Variants in NT5M observed in about 807,000 individuals in gnomAD.
The protein encoded by NT5M is 5',3'-nucleotidase, mitochondrial, also known as 5'(3')-deoxyribonucleotidase, mitochondrial.
A neutral mutation model predicts 22.2 loss-of-function variants in NT5M; 22 were observed. The ratio of observed to expected loss-of-function variants is 0.99; its 90% CI spans 0.71 to 1.41. The LOEUF (loss-of-function observed/expected upper bound fraction) is 1.41, where lower values mean the gene tolerates loss of function less well. NT5M is among the 40% of genes most tolerant of loss of function. The probability of loss-of-function intolerance (pLI) is 0.00; values close to 1 mark genes in which losing one functional copy is unlikely to be tolerated. For missense variants in NT5M, 322 were observed against 314.8 expected, an observed-to-expected ratio of 1.02 and a Z score of -0.17; for synonymous variants, 167 against 133.0, an observed-to-expected ratio of 1.26 and a Z score of -1.76.
chr17:17,345,140 G>A, intron 4 of NT5M: 2 of 1,007,848 alleles, frequency 2.0e-6, no homozygotes, highest in East Asian at 5.7e-5. Flanking sequence ...TTGAGGGGTG[G>A]CCTTGGGGAA....
intron 3 of NT5M, among the ~76,000 whole-genome samples, chr17:17,341,050 A>G (rs1417779233): frequency 6.6e-6 from 1 of 151,548 alleles, no homozygotes; most frequent in Admixed American, 6.6e-5. Flanking sequence ...AAATTTTTCA[A>G]TTTCCTTCAT....
At chr17:17,319,477 T>C (rs1005662718) in intron 2 of NT5M, among the ~76,000 whole-genome samples, 2 of 152,204 alleles carry the variant, frequency 1.3e-5, no homozygotes, top group Non-Finnish European at 2.9e-5. Flanking sequence ...TTTTAAGAAA[T>C]GTTTACTCAA....
chr17:17,344,908 G>C lies in NT5M; in HGVS notation c.544G>C (p.Gly182Arg). 1 of 1,614,148 alleles carries C rather than the reference G, an allele frequency of 6.2e-7. No homozygotes were observed. The highest frequency in any genetic ancestry group is 8.5e-7 in the Non-Finnish European group (1 of 1,179,998). ...CATAGACGACCGGCCGGACATCACA[G>C]GCAAGTGGCCTGCGACAGGTGAGGA... is the stretch of plus-strand genomic sequence containing the variant. ...LLIDDRPDIT[G>R]AEPTPSWEHV... Residue 182 changes from glycine (G) to arginine (R), a missense_variant and splice_region_variant, in exon 4 of 5, where the codon GGG (glycine) becomes CGG (arginine). Transcript: ENST00000389022.
chr17:17,326,827 A>C (rs545852457), intron 3 of NT5M, among the ~76,000 whole-genome samples: 2 of 152,354 alleles, frequency 1.3e-5, no homozygotes, highest in African/African-American at 4.8e-5. Flanking sequence ...TAAACGAAAG[A>C]GCAAAGGCAA....
At chr17:17,314,072 C>T (rs982221708) in intron 2 of NT5M, among the ~76,000 whole-genome samples, 7 of 145,882 alleles carry the variant, frequency 4.8e-5, no homozygotes, top group Middle Eastern at 3.7e-3. Context: ...CTTGCTCTGT[C>T]GTCCAGGCTG....
At position 17,314,088 on chromosome 17, in the gene NT5M, C is replaced by T. The variant is rs1030675590; in HGVS notation, c.368+7445C>T. Among the ~76,000 whole-genome samples the T allele has an allele frequency of 3.3e-5, 5 of 150,100 alleles. No individual in the cohort carries two copies. In the South Asian group the frequency reaches 1.0e-3, roughly 31 times the overall value. On this transcript the variant is annotated intron_variant, in intron 2 of 4. Transcript: ENST00000389022. ...TTGCTCTGTCGTCCAGGCTGGAGTG[C>T]AGTGGTGCGATCTCGGCTCACTACA... is the stretch of plus-strand genomic sequence containing the variant.
Position 17,303,825 on chromosome 17 carries a change from T to TCCCCG in NT5M, c.267+20_267+24dup, listed in dbSNP as rs553075660. On this transcript the variant is annotated intron_variant, in intron 1 of 4. Coordinates refer to ENST00000389022, the MANE Select transcript of NT5M (RefSeq NM_020201.4). The stretch of plus-strand genomic sequence containing the variant: ...CTGCGGCCAGGGCTGAGCGTGAGCG[T>TCCCCG]CCCCGCCCCGCCCCGCGCCGGGCCT... 4.6e-4 allele frequency: 641 copies of TCCCCG among 1,394,504 alleles called. 4 individuals carry two copies. In the Admixed American group the frequency reaches 0.011, roughly 23 times the overall value. The allele number at this position is 1,394,504 out of a possible 1,614,324, so 86.4% of individuals were successfully genotyped here.
chr17:17,340,145 C>T (rs1325868417), intron 3 of NT5M, among the ~76,000 whole-genome samples: 1 of 152,062 alleles, frequency 6.6e-6, no homozygotes, highest in African/African-American at 2.4e-5. Flanking sequence ...TTTATTATGG[C>T]TTCAGTTGTT....
chr17:17,338,439 C>T (rs921042289), intron 3 of NT5M, among the ~76,000 whole-genome samples: 5 of 152,190 alleles, frequency 3.3e-5, no homozygotes, highest in Admixed American at 6.5e-5. Context: ...GCTATCCGCC[C>T]GCCTCGGCCT....
intron 1 of NT5M, chr17:17,304,484 A>G: frequency 1.0e-6 from 1 of 968,172 alleles, no homozygotes; most frequent in Non-Finnish European, 1.2e-6. Flanking sequence ...CTTGGTTGGT[A>G]AATTTGAAGT....
At chr17:17,338,303 C>T (rs1268409580) in intron 3 of NT5M, among the ~76,000 whole-genome samples, 1 of 152,130 alleles carries the variant, frequency 6.6e-6, no homozygotes, top group African/African-American at 2.4e-5. Context: ...AGTGATTCTC[C>T]TGCCTCAGCC....
At chr17:17,340,804 G>GCA (rs2049626906) in intron 3 of NT5M, among the ~76,000 whole-genome samples, 1 of 152,070 alleles carries the variant, frequency 6.6e-6, no homozygotes, top group Non-Finnish European at 1.5e-5. Flanking sequence ...GGATTACAGT[G>GCA]TGAGCCACCG....
intron 2 of NT5M, among the ~76,000 whole-genome samples, chr17:17,310,721 C>A (rs549017093): frequency 1.1e-4 from 16 of 147,602 alleles, no homozygotes; most frequent in Middle Eastern, 7.1e-3. Context: ...GCCTGTGATC[C>A]CAGCTACTTG....
chr17:17,303,879 C>T (rs749044868), intron 1 of NT5M, 62 bp downstream of exon 1: 2 of 1,316,618 alleles, frequency 1.5e-6, no homozygotes, highest in African/African-American at 1.5e-5. Context: ...CAGACACCGC[C>T]CCTGCGCCGG....
At chr17:17,334,254 A>G (rs550958834) in intron 3 of NT5M, among the ~76,000 whole-genome samples, 2 of 151,854 alleles carry the variant, frequency 1.3e-5, no homozygotes, top group East Asian at 3.9e-4. Flanking sequence ...AGCGTGAGCC[A>G]CCATGCCTGG....
intron 4 of NT5M, among the ~76,000 whole-genome samples, chr17:17,345,650 A>AC (rs2049743441): frequency 1.3e-5 from 2 of 150,174 alleles, no homozygotes; most frequent in African/African-American, 2.4e-5. Context: ...AAAAAAAAAA[A>AC]ACACAAAAAA....
chr17:17,315,772 T>TTTTTTG (rs2049012850), intron 2 of NT5M, among the ~76,000 whole-genome samples: 1 of 145,968 alleles, frequency 6.9e-6, no homozygotes. Flanking sequence ...TTTTTTTTTT[T>TTTTTTG]TTGAGACAGC....
At chr17:17,334,009 A>G (rs1466688426) in intron 3 of NT5M, among the ~76,000 whole-genome samples, 2 of 151,464 alleles carry the variant, frequency 1.3e-5, no homozygotes, top group Non-Finnish European at 2.9e-5. Flanking sequence ...AATTTTTTGT[A>G]TTTTTAGTAG....
chr17:17,324,487 A>C (rs2049223824), intron 3 of NT5M, among the ~76,000 whole-genome samples: 1 of 97,496 alleles, frequency 1.0e-5, no homozygotes. Context: ...GTCCCCCCAC[A>C]AAAAAACTTA....
Sources: allele counts gnomAD v4.1 joint callset (sites outside exome capture counted in the v4.1 genomes callset), GRCh38; gene constraint gnomAD v4.1.1; transcripts MANE v1.5; gene names NCBI Gene and HGNC (gene_info 2026-07-23, HGNC 2026-07-21).